The following SH3PXD2A variants were observed in gnomAD, a reference collection of about 807,000 sequenced individuals.
SH3PXD2A encodes SH3 and PX domains 2A, also known as SH3 and PX domain-containing protein 2A.
A neutral mutation model predicts 115.2 loss-of-function variants in SH3PXD2A; 32 were observed. The ratio of observed to expected loss-of-function variants is 0.28; its 90% CI spans 0.21 to 0.37. SH3PXD2A has a LOEUF of 0.37. Ranked by LOEUF, SH3PXD2A falls within the 10% of genes least tolerant of loss-of-function variation. The pLI is 1.00. For synonymous variants in SH3PXD2A, 610 were observed against 629.1 expected (o/e 0.97, Z 0.45); for missense variants, 1,328 against 1,498.7 (o/e 0.89, Z 1.88).
chr10:103,672,082 C>A (rs976138188), intron 6 of SH3PXD2A, among the ~76,000 whole-genome samples: 1 of 152,132 alleles, frequency 6.6e-6, no homozygotes, highest in Non-Finnish European at 1.5e-5. Flanking sequence ...GTTAGGAGTT[C>A]GAGACCAGCC....
chr10:103,783,350 G>A (rs2038950485), intron 2 of SH3PXD2A, among the ~76,000 whole-genome samples: 1 of 152,240 alleles, frequency 6.6e-6, no homozygotes, highest in African/African-American at 2.4e-5. Context: ...AGACCCCTGA[G>A]GAGGCTGTCT....
chr10:103,658,397 G>C (rs756736329), intron 8 of SH3PXD2A, among the ~76,000 whole-genome samples: 2 of 152,200 alleles, frequency 1.3e-5, no homozygotes, highest in African/African-American at 2.4e-5. Flanking sequence ...AAGGTCAAAG[G>C]CTTCACAATT....
chr10:103,801,209 G>A, intron 2 of SH3PXD2A, 73 bp downstream of exon 2: 1 of 895,224 alleles, frequency 1.1e-6, no homozygotes, highest in Non-Finnish European at 1.9e-6. Flanking sequence ...GGGCTCCCTG[G>A]ATAAGCGAGG....
intron 5 of SH3PXD2A, among the ~76,000 whole-genome samples, chr10:103,709,967 C>T (rs554167677): frequency 6.6e-6 from 1 of 151,920 alleles, no homozygotes; most frequent in East Asian, 1.9e-4. Context: ...TGGGGGTGGA[C>T]ACCTGTAATC....
At chr10:103,819,886 A>T (rs2134288286) in intron 1 of SH3PXD2A, among the ~76,000 whole-genome samples, 1 of 152,106 alleles carries the variant, frequency 6.6e-6, no homozygotes, top group South Asian at 2.1e-4. Context: ...AAGAAATCTC[A>T]CCCCAAAGGC....
chr10:103,722,634 A>G (rs1338162302), intron 5 of SH3PXD2A, among the ~76,000 whole-genome samples: 2 of 150,738 alleles, frequency 1.3e-5, no homozygotes, highest in Non-Finnish European at 2.9e-5. Flanking sequence ...GCTGAATTTA[A>G]GATTCATCCC....
intron 5 of SH3PXD2A, among the ~76,000 whole-genome samples, chr10:103,705,638 T>C (rs577841045): frequency 6.6e-6 from 1 of 152,320 alleles, no homozygotes; most frequent in East Asian, 1.9e-4. Flanking sequence ...GAGGCCAACC[T>C]GGCTCAGTCT....
At chr10:103,767,817 T>TTTG (rs1564884186) in intron 2 of SH3PXD2A, among the ~76,000 whole-genome samples, 13 of 140,734 alleles carry the variant, frequency 9.2e-5, no homozygotes, top group African/African-American at 3.8e-4. Context: ...TTTGTTTTTT[T>TTTG]TTTTTTTTTT....
At chr10:103,682,192 G>A (rs968757146) in intron 6 of SH3PXD2A, among the ~76,000 whole-genome samples, 4 of 152,166 alleles carry the variant, frequency 2.6e-5, no homozygotes, top group African/African-American at 7.2e-5. Flanking sequence ...TCCGGGGAGC[G>A]CTTGCCACGC....
intron 5 of SH3PXD2A, among the ~76,000 whole-genome samples, chr10:103,700,724 C>G (rs2037883099): frequency 6.6e-6 from 1 of 152,158 alleles, no homozygotes; most frequent in African/African-American, 2.4e-5. Context: ...GCTAGGAGCT[C>G]CTCCTCAGGC....
intron 2 of SH3PXD2A, among the ~76,000 whole-genome samples, chr10:103,794,642 C>G (rs2039069424): frequency 6.6e-6 from 1 of 152,246 alleles, no homozygotes; most frequent in South Asian, 2.1e-4. Flanking sequence ...CTCCAAGCAA[C>G]CCAGGCCCTT....
Position 103,602,335 on chromosome 10 carries a change from T to G in SH3PXD2A, c.2883A>C (p.Ser961=), listed in dbSNP as rs531766240. Residue 961 remains serine (S), a synonymous_variant, in exon 15 of 15, where the codon TCA becomes TCC. Transcript: ENST00000369774. ...TCCTCATCTTCACCGCTGGAGTGCC[T>G]GAGGTCTTGCCGAAGCCCCCGGGAG... ...SKPPGGFGKT[S]GTPAVKMRNG... 1.9e-6 allele frequency: 3 copies of G among 1,613,576 alleles called. No individual in the cohort carries two copies. In the South Asian group the frequency reaches 3.3e-5, roughly 18 times the overall value.
At chr10:103,685,877 G>A (rs1366197066) in intron 6 of SH3PXD2A, among the ~76,000 whole-genome samples, 1 of 152,084 alleles carries the variant, frequency 6.6e-6, no homozygotes, top group African/African-American at 2.4e-5. Context: ...TCCCCTCCTG[G>A]GTCTCACAGA....
chr10:103,839,931 G>C (rs898853769), intron 1 of SH3PXD2A, among the ~76,000 whole-genome samples: 11 of 152,276 alleles, frequency 7.2e-5, no homozygotes, highest in Admixed American at 2.0e-4. Flanking sequence ...CACCAGGCCT[G>C]GGAGAGGGCA....
At chr10:103,738,981 T>C (rs11191789) in intron 3 of SH3PXD2A, among the ~76,000 whole-genome samples, 1 of 73,418 alleles carries the variant, frequency 1.4e-5, no homozygotes, top group African/African-American at 1.2e-4. Flanking sequence ...TTTAGTAGAG[T>C]GGGGTTTCTC....
At chr10:103,694,003 T>C (rs1056740996) in intron 5 of SH3PXD2A, among the ~76,000 whole-genome samples, 6 of 152,160 alleles carry the variant, frequency 3.9e-5, no homozygotes, top group African/African-American at 1.4e-4. Context: ...TGCTCCTGCC[T>C]TCCTTATCTC....
intron 3 of SH3PXD2A, among the ~76,000 whole-genome samples, chr10:103,764,648 T>C (rs1278378662): frequency 1.3e-5 from 2 of 152,304 alleles, no homozygotes; most frequent in South Asian, 2.1e-4. Context: ...TTGTGCAAAG[T>C]GTTTTGCGTA....
chr10:103,706,471 C>T (rs1592311419), intron 5 of SH3PXD2A, among the ~76,000 whole-genome samples: 1 of 152,222 alleles, frequency 6.6e-6, no homozygotes, highest in East Asian at 1.9e-4. Flanking sequence ...CTTGTTCTAG[C>T]AGAGCACTGG....
At position 103,600,731 on chromosome 10, in the gene SH3PXD2A, T is replaced by C. The variant is rs2036202804; in HGVS notation, c.*1085A>G. The C allele has an allele frequency of 6.6e-6, 1 of 152,234 alleles. No individual in the cohort carries two copies. Among genetic ancestry groups the C allele is most frequent in the South Asian group, 2.1e-4 (1 of 4,828 alleles). The allele number at this position is 152,234 out of a possible 1,614,324, so 9.4% of individuals were successfully genotyped here. The stretch of plus-strand genomic sequence containing the variant: ...CCATGTCTGCAACCTGGGGCTTGCC[T>C]AGCCCCAAATTTTTCTGGCAGGCGC... On this transcript the variant is annotated 3_prime_UTR_variant, in exon 15 of 15. Transcript: ENST00000369774.
Sources: gnomAD v4.1 joint callset for allele counts (sites outside exome capture counted in the v4.1 genomes callset) on GRCh38, gnomAD v4.1.1 for gene constraint, MANE v1.5 for transcripts, NCBI Gene and HGNC (gene_info 2026-07-23, HGNC 2026-07-21) for gene names.